Variants in RPS6KC1 observed in about 807,000 individuals in gnomAD.
RPS6KC1 encodes the protein ribosomal protein S6 kinase C1.
RPS6KC1 carries 54 observed loss-of-function variants against 103.8 expected under a neutral mutation model. The observed-to-expected ratio is 0.52, with a 90% CI of 0.42 to 0.65. The LOEUF (loss-of-function observed/expected upper bound fraction) is 0.65. Among genes scored for constraint, RPS6KC1 ranks in the 30% least tolerant of loss-of-function variants. RPS6KC1 has a pLI of 0.00. For synonymous variants in RPS6KC1, 439 were observed against 438.7 expected (o/e 1.00, Z -0.01); for missense variants, 1,151 against 1,253.8 (o/e 0.92, Z 1.24).
intron 6 of RPS6KC1, among the ~76,000 whole-genome samples, chr1:213,137,775 CTCTATATA>C (rs1474928870): frequency 3.1e-5 from 1 of 32,230 alleles, no homozygotes; most frequent in African/African-American, 1.0e-4. Context: ...CTCTCTCTCT[CTCTATATA>C]TATATATATA....
intron 8 of RPS6KC1, among the ~76,000 whole-genome samples, chr1:213,191,910 G>A (rs1165250561): frequency 6.6e-6 from 1 of 152,026 alleles, no homozygotes. Flanking sequence ...CCATGTTCGA[G>A]CGATTCTCCT....
At chr1:213,507,852 A>G in the RPS6KC1 span, among the ~76,000 whole-genome samples, 1 of 152,348 alleles carries the variant, frequency 6.6e-6, no homozygotes, top group East Asian at 1.9e-4. Flanking sequence ...TACAGCAAAT[A>G]AAAGTGTTGC....
chr1:213,119,543 TTTC>T (rs997836839), intron 5 of RPS6KC1, among the ~76,000 whole-genome samples: 18 of 146,778 alleles, frequency 1.2e-4, no homozygotes, highest in African/African-American at 3.8e-4. Flanking sequence ...ATGCAGAATG[TTTC>T]TTTTCTCTAT....
chr1:213,845,987 T>C, the RPS6KC1 span, among the ~76,000 whole-genome samples: 1 of 151,886 alleles, frequency 6.6e-6, no homozygotes, highest in Admixed American at 6.6e-5. Context: ...TTCCTTCTTA[T>C]AAGGCTTAAA....
intron 6 of RPS6KC1, among the ~76,000 whole-genome samples, chr1:213,150,697 T>G (rs957616359): frequency 1.3e-5 from 2 of 151,808 alleles, no homozygotes; most frequent in Non-Finnish European, 1.5e-5. Context: ...AAATGAAAAG[T>G]CTCCCATGTC....
At chr1:213,307,341 G>A in the RPS6KC1 span, among the ~76,000 whole-genome samples, 1 of 151,982 alleles carries the variant, frequency 6.6e-6, no homozygotes, top group South Asian at 2.1e-4. Flanking sequence ...GTGAGTCGCC[G>A]CGCCTGGCCA....
the RPS6KC1 span, among the ~76,000 whole-genome samples, chr1:213,373,587 T>A: frequency 3.3e-5 from 5 of 152,180 alleles, no homozygotes; most frequent in Admixed American, 1.3e-4. Context: ...GTTTACAACA[T>A]ATTATGTATT....
chr1:213,773,898 G>A, the RPS6KC1 span, among the ~76,000 whole-genome samples: 1 of 152,178 alleles, frequency 6.6e-6, no homozygotes, highest in African/African-American at 2.4e-5. Flanking sequence ...GTGCTCTATA[G>A]GCCTATCCAA....
chr1:213,569,010 T>G, the RPS6KC1 span, among the ~76,000 whole-genome samples: 1 of 152,088 alleles, frequency 6.6e-6, no homozygotes, highest in African/African-American at 2.4e-5. Flanking sequence ...GAGCACAGAG[T>G]GCCCTCGACC....
the RPS6KC1 span, among the ~76,000 whole-genome samples, chr1:213,674,829 A>T: frequency 6.6e-6 from 1 of 152,140 alleles, no homozygotes; most frequent in African/African-American, 2.4e-5. Context: ...AATAATAGCC[A>T]TTCAGACTGG....
At chr1:213,493,873 C>G in the RPS6KC1 span, among the ~76,000 whole-genome samples, 3 of 150,662 alleles carry the variant, frequency 2.0e-5, no homozygotes, top group African/African-American at 4.8e-5. Context: ...ATGCCATGTC[C>G]TACATTGTTT....
At chr1:213,375,900 G>T in the RPS6KC1 span, among the ~76,000 whole-genome samples, 1 of 152,240 alleles carries the variant, frequency 6.6e-6, no homozygotes, top group Non-Finnish European at 1.5e-5. Context: ...GCCCACAGCT[G>T]CAACTACTAG....
At chr1:213,855,607 GC>G in the RPS6KC1 span, among the ~76,000 whole-genome samples, 1 of 152,104 alleles carries the variant, frequency 6.6e-6, no homozygotes, top group Non-Finnish European at 1.5e-5. Flanking sequence ...TTTCTCTCAG[GC>G]TGAAATCCCT....
At chr1:213,191,332 T>C (rs2092737345) in intron 8 of RPS6KC1, among the ~76,000 whole-genome samples, 1 of 152,204 alleles carries the variant, frequency 6.6e-6, no homozygotes, top group Non-Finnish European at 1.5e-5. Flanking sequence ...CAGTGTTTTA[T>C]AGTTTTCATC....
chr1:213,631,185 T>C, the RPS6KC1 span, among the ~76,000 whole-genome samples: 1 of 152,126 alleles, frequency 6.6e-6, no homozygotes, highest in African/African-American at 2.4e-5. Flanking sequence ...TCACCCTGCT[T>C]TGGCTCATGC....
chr1:213,753,614 C>T, the RPS6KC1 span, among the ~76,000 whole-genome samples: 1 of 152,154 alleles, frequency 6.6e-6, no homozygotes, highest in African/African-American at 2.4e-5. Context: ...TGCAGTATCT[C>T]CTTATGCAAA....
chr1:213,221,802 T>G (rs951071484), intron 8 of RPS6KC1, among the ~76,000 whole-genome samples: 1 of 152,246 alleles, frequency 6.6e-6, no homozygotes, highest in Non-Finnish European at 1.5e-5. Flanking sequence ...AAATATAGGT[T>G]GTTTTTAGGA....
At chr1:213,403,970 G>A in the RPS6KC1 span, among the ~76,000 whole-genome samples, 1 of 152,170 alleles carries the variant, frequency 6.6e-6, no homozygotes, top group Non-Finnish European at 1.5e-5. Flanking sequence ...CATAGGGATT[G>A]GGGTACACCT....
chr1:213,574,651 T>G, the RPS6KC1 span, among the ~76,000 whole-genome samples: 1 of 152,164 alleles, frequency 6.6e-6, no homozygotes, highest in Non-Finnish European at 1.5e-5. Flanking sequence ...GAAAGGTAAA[T>G]GGTGAGGAGG....
Sources: gnomAD v4.1 joint callset for allele counts (sites outside exome capture counted in the v4.1 genomes callset) on GRCh38, gnomAD v4.1.1 for gene constraint, MANE v1.5 for transcripts, NCBI Gene and HGNC (gene_info 2026-07-23, HGNC 2026-07-21) for gene names.